Variants in METTL22 observed in about 807,000 individuals in gnomAD.
The protein encoded by METTL22 is methyltransferase 22, Kin17 lysine.
A neutral mutation model predicts 48.4 loss-of-function variants in METTL22; 51 were observed. The observed-to-expected ratio is 1.05, with a 90% confidence interval of 0.84 to 1.33. The LOEUF (loss-of-function observed/expected upper bound fraction) is 1.33, where lower values mean the gene tolerates loss of function less well. Among genes scored for constraint, METTL22 ranks in the 40% most tolerant of loss-of-function variants. METTL22 has a pLI of 0.00. For missense variants in METTL22, 678 were observed against 526.9 expected (o/e 1.29, Z -2.81); for synonymous variants, 255 against 214.1 (o/e 1.19, Z -1.67).
intron 1 of METTL22, among the ~76,000 whole-genome samples, chr16:8,622,720 A>G (rs1380368280): frequency 1.3e-5 from 2 of 152,212 alleles, no homozygotes; most frequent in Admixed American, 1.3e-4. Flanking sequence ...TAATTGTCTC[A>G]TATACTCCTC....
chr16:8,641,020 GC>G (rs2056598406), intron 6 of METTL22, 110 bp from the exon 7 acceptor site: 3 of 983,580 alleles, frequency 3.1e-6, no homozygotes, highest in Non-Finnish European at 3.1e-6. Flanking sequence ...ATGGGTGAGA[GC>G]AAGGGTGGGT....
rs781220260 is a variant in METTL22, at chr16:8,635,060, TG to T, written c.538del (p.Glu180ArgfsTer81). On this transcript the variant is annotated frameshift_variant, in exon 4 of 11. Transcript: ENST00000381920. LOFTEE classifies it high-confidence loss of function. Reference protein sequence around the residue: ...IRIEHTMATPLEDVGKQVWRG... With the variant: ...IRIEHTMATPXEDVGKQVWRG... Reference sequence around the variant, plus strand: ...CCAGAGCACACCATGGCCACGCCCCTGGAGGATGTTGGCAAGCAGGTGGGTA... The same window carrying T: ...CCAGAGCACACCATGGCCACGCCCCTGAGGATGTTGGCAAGCAGGTGGGTA... 2 of 1,613,824 alleles carry T rather than the reference TG, an allele frequency of 1.2e-6. No individual in the cohort carries two copies. The highest frequency in any genetic ancestry group is 4.5e-5 in the East Asian group (2 of 44,884).
At chr16:8,622,674 T>C (rs905180329) in intron 1 of METTL22, among the ~76,000 whole-genome samples, 1 of 152,228 alleles carries the variant, frequency 6.6e-6, no homozygotes, top group African/African-American at 2.4e-5. Flanking sequence ...TGTTGCTTAT[T>C]GAACGTTTAC....
intron 7 of METTL22, 50 bp from the exon 8 acceptor site, chr16:8,642,077 G>A (rs1447401878): frequency 2.1e-6 from 3 of 1,419,682 alleles, no homozygotes; most frequent in Non-Finnish European, 3.0e-6. Flanking sequence ...GAGAGTTGGT[G>A]GCCAGGAGAG....
At chr16:8,656,534 G>A in the METTL22 span, among the ~76,000 whole-genome samples, 1 of 152,260 alleles carries the variant, frequency 6.6e-6, no homozygotes, top group Admixed American at 6.5e-5. Context: ...AAGATTCTCT[G>A]CTTCTGAGAA....
intron 9 of METTL22, among the ~76,000 whole-genome samples, chr16:8,643,818 C>T (rs1641061): frequency 0.99 from 150,377 of 152,216 alleles, 74,312 homozygotes; most frequent in Middle Eastern, 1. Context: ...TTCACCATGT[C>T]GTCCAGGCTG....
Position 8,635,185 on chromosome 16 carries a change from G to C in METTL22, c.573G>C (p.Leu191=). The change falls in exon 5 of 11, where the codon CTG becomes CTC. Residue 191 remains leucine, a synonymous_variant. Transcript: ENST00000381920. ...DVGKQVWRGA[L]LLADYILFRQ... ...CCCTCCAGGTGTGGCGGGGCGCCCT[G>C]CTCCTGGCAGACTACATCCTGTTCC... The C allele has an allele frequency of 1.2e-6, 2 of 1,610,464 alleles. No homozygotes were observed. Among genetic ancestry groups the C allele is most frequent in the Non-Finnish European group, 1.7e-6 (2 of 1,178,084 alleles).
intron 3 of METTL22, chr16:8,632,211 C>G (rs1382775008): frequency 6.6e-6 from 1 of 152,186 alleles, no homozygotes; most frequent in African/African-American, 2.4e-5. Flanking sequence ...TGCACAGCAT[C>G]CGCTTCTTCC....
At chr16:8,644,466 C>G in intron 9 of METTL22, 91 bp from the exon 10 acceptor site, 1 of 1,290,306 alleles carries the variant, frequency 7.8e-7, no homozygotes, top group South Asian at 1.5e-5. Context: ...GATATGAGAT[C>G]AGTGAGGGAT....
the METTL22 span, among the ~76,000 whole-genome samples, chr16:8,659,740 T>A: frequency 6.6e-6 from 1 of 151,810 alleles, no homozygotes; most frequent in Non-Finnish European, 1.5e-5. Context: ...TTTTTTTTTT[T>A]CCAGACAGCG....
At chr16:8,625,422 T>C (rs1291578261) in intron 1 of METTL22, 74 bp from the exon 2 acceptor site, 4 of 326,346 alleles carry the variant, frequency 1.2e-5, no homozygotes, top group African/African-American at 4.3e-5. Flanking sequence ...ATGAATATAA[T>C]GAATATATGA....
intron 3 of METTL22, chr16:8,631,401 G>A (rs1286649243): frequency 6.6e-6 from 1 of 152,226 alleles, no homozygotes; most frequent in African/African-American, 2.4e-5. Context: ...CAGGCCGTCA[G>A]ATTCTGAGTC....
chr16:8,629,966 G>A (rs1328095764), intron 3 of METTL22, among the ~76,000 whole-genome samples: 1 of 152,148 alleles, frequency 6.6e-6, no homozygotes, highest in Admixed American at 6.5e-5. Flanking sequence ...TGGTGGTGGT[G>A]AGCGAGCTTC....
At chr16:8,664,695 A>T in the METTL22 span, among the ~76,000 whole-genome samples, 43 of 152,096 alleles carry the variant, frequency 2.8e-4, no homozygotes, top group Non-Finnish European at 5.3e-4. Context: ...TCCTGGGCTC[A>T]AGTGATCTTC....
At chr16:8,633,698 C>G (rs1284478233) in intron 3 of METTL22, among the ~76,000 whole-genome samples, 2 of 152,254 alleles carry the variant, frequency 1.3e-5, no homozygotes, top group African/African-American at 4.8e-5. Context: ...GCTAACCTCA[C>G]CCAGCCACCT....
chr16:8,655,434 G>A, the METTL22 span, among the ~76,000 whole-genome samples: 2 of 152,206 alleles, frequency 1.3e-5, no homozygotes, highest in Non-Finnish European at 2.9e-5. Context: ...CTCTGATAAA[G>A]CCAGGACATG....
At chr16:8,643,347 G>A (rs1023853733) in intron 9 of METTL22, among the ~76,000 whole-genome samples, 2 of 152,182 alleles carry the variant, frequency 1.3e-5, no homozygotes, top group African/African-American at 2.4e-5. Context: ...TTCATAAACT[G>A]TAAAGGAAAA....
In METTL22 at chr16:8,635,214, A is replaced by G; in HGVS notation, c.602A>G (p.Gln201Arg). 1 of 1,611,422 alleles carries G rather than the reference A, an allele frequency of 6.2e-7. No homozygotes were observed. The change falls in exon 5 of 11, where the codon CAG becomes CGG. Residue 201 changes from glutamine to arginine, a missense_variant. Gln to Arg is a conservative substitution (Grantham distance 43). Transcript: ENST00000381920. ...CTGGCAGACTACATCCTGTTCCGAC[A>G]GGACCTCTTCCGAGGATGTACAGCG... Reference protein sequence around the residue: ...LLLADYILFRQDLFRGCTALE... With the variant: ...LLLADYILFRRDLFRGCTALE...
chr16:8,650,350 C>A (rs370845932), downstream of METTL22, among the ~76,000 whole-genome samples: 7 of 152,324 alleles, frequency 4.6e-5, no homozygotes, highest in East Asian at 7.7e-4. Context: ...AACCCACCAA[C>A]TCCGGAGTTG....
Sources: allele counts gnomAD v4.1 joint callset (sites outside exome capture counted in the v4.1 genomes callset), GRCh38; gene constraint gnomAD v4.1.1; transcripts MANE v1.5; gene names NCBI Gene and HGNC (gene_info 2026-07-23, HGNC 2026-07-21).